DPF3: variants seen among roughly 807,000 people sequenced by gnomAD.
The protein encoded by DPF3 is double PHD fingers 3, also known as zinc finger protein DPF3.
DPF3 carries 18 observed loss-of-function variants against 56.8 expected under a neutral mutation model. The ratio of observed to expected loss-of-function variants is 0.32; its 90% CI spans 0.22 to 0.47. DPF3 has a LOEUF of 0.47. Among genes scored for constraint, DPF3 ranks in the 20% least tolerant of loss-of-function variants. The pLI, the probability that DPF3 is intolerant of heterozygous loss-of-function variation, is 1.00. For synonymous variants in DPF3, 188 were observed against 180.2 expected, an observed-to-expected ratio of 1.04 and a Z score of -0.35; for missense variants, 403 against 488.8, an observed-to-expected ratio of 0.82 and a Z score of 1.65.
In DPF3 at chr14:72,723,843, C is replaced by T. The variant is rs768090463; in HGVS notation, c.430-115G>A. ...TTGTTATTTTTTAACAAAGTGAAGA[C>T]GCTGCCTTTGCTTGGGCAGTTGGGC... On this transcript the variant is annotated intron_variant, in intron 4 of 10. Coordinates refer to ENST00000556509, the MANE Select transcript of DPF3 (RefSeq NM_001280542.3). 6.7e-5 allele frequency: 72 copies of T among 1,071,632 alleles called. No individual in the cohort carries two copies. In the East Asian group the frequency reaches 1.1e-3, roughly 16 times the overall value. The allele number at this position is 1,071,632 out of a possible 1,614,324, so 66.4% of individuals were successfully genotyped here.
chr14:72,671,811 T>C (rs891217623), intron 8 of DPF3, among the ~76,000 whole-genome samples: 1 of 152,210 alleles, frequency 6.6e-6, no homozygotes, highest in African/African-American at 2.4e-5. Context: ...TTCAAGGTGG[T>C]TAAGCCTCCA....
intron 1 of DPF3, among the ~76,000 whole-genome samples, chr14:72,891,133 C>T (rs1856390130): frequency 6.6e-6 from 1 of 152,128 alleles, no homozygotes; most frequent in African/African-American, 2.4e-5. Context: ...GAATGTCCCA[C>T]GTGGAAAAAG....
chr14:72,672,519 C>T (rs1408301641), intron 8 of DPF3, among the ~76,000 whole-genome samples: 1 of 152,140 alleles, frequency 6.6e-6, no homozygotes, highest in East Asian at 1.9e-4. Context: ...AGAGTCAGAC[C>T]TTGACTAAAT....
intron 8 of DPF3, among the ~76,000 whole-genome samples, chr14:72,660,079 A>G (rs1261698770): frequency 6.6e-6 from 1 of 152,206 alleles, no homozygotes; most frequent in African/African-American, 2.4e-5. Flanking sequence ...TAAATGGTAC[A>G]GAGTTTCAGT....
At chr14:72,657,932 G>A (rs1235650670) in intron 8 of DPF3, among the ~76,000 whole-genome samples, 1 of 152,020 alleles carries the variant, frequency 6.6e-6, no homozygotes, top group Non-Finnish European at 1.5e-5. Context: ...TTCTTATTCA[G>A]AATAACCTCC....
intron 6 of DPF3, among the ~76,000 whole-genome samples, chr14:72,696,382 C>G (rs1887899898): frequency 1.3e-5 from 2 of 152,210 alleles, no homozygotes; most frequent in South Asian, 4.1e-4. Context: ...AACTCACTAC[C>G]AGTCAAAGCA....
intron 3 of DPF3, among the ~76,000 whole-genome samples, chr14:72,739,643 A>G (rs1242675674): frequency 1.3e-5 from 2 of 152,160 alleles, no homozygotes; most frequent in Non-Finnish European, 2.9e-5. Flanking sequence ...AGGTAACAGG[A>G]TGGAAGAGGC....
At chr14:72,833,412 A>G (rs1233552409) in intron 1 of DPF3, among the ~76,000 whole-genome samples, 1 of 152,234 alleles carries the variant, frequency 6.6e-6, no homozygotes, top group Non-Finnish European at 1.5e-5. Flanking sequence ...CTGGTTGGAT[A>G]TACAAATATG....
At chr14:72,724,177 A>C (rs1889296517) in intron 4 of DPF3, 1 of 154,730 alleles carries the variant, frequency 6.5e-6, no homozygotes, top group Non-Finnish European at 1.4e-5. Context: ...CTTCCTGTTC[A>C]TCTGACCAGA....
chr14:72,734,553 T>C (rs1185943309), intron 3 of DPF3, among the ~76,000 whole-genome samples: 2 of 152,086 alleles, frequency 1.3e-5, no homozygotes, highest in Non-Finnish European at 2.9e-5. Context: ...ATACATAGAG[T>C]TGAAGTTCAT....
At chr14:72,782,711 C>T (rs74884082) in intron 1 of DPF3, among the ~76,000 whole-genome samples, 39,632 of 151,862 alleles carry the variant, frequency 0.26, 5,306 homozygotes, top group Middle Eastern at 0.36. Context: ...CGGACACCTG[C>T]AGTCCCAGCT....
At chr14:72,815,303 A>C (rs1415880495) in intron 1 of DPF3, among the ~76,000 whole-genome samples, 1 of 152,238 alleles carries the variant, frequency 6.6e-6, no homozygotes, top group Non-Finnish European at 1.5e-5. Flanking sequence ...AACATCTATT[A>C]TAATGGCTAA....
chr14:72,796,833 G>T (rs567002740), intron 1 of DPF3, among the ~76,000 whole-genome samples: 1 of 152,080 alleles, frequency 6.6e-6, no homozygotes, highest in Admixed American at 6.5e-5. Context: ...TGGAATCACC[G>T]CAGACGATTT....
At chr14:72,653,695 C>T (rs1885984608) in intron 8 of DPF3, among the ~76,000 whole-genome samples, 1 of 152,190 alleles carries the variant, frequency 6.6e-6, no homozygotes, top group Non-Finnish European at 1.5e-5. Context: ...GTTAAATTGG[C>T]CTGTCAGATA....
At chr14:72,833,919 C>T (rs900095225) in intron 1 of DPF3, among the ~76,000 whole-genome samples, 5 of 152,154 alleles carry the variant, frequency 3.3e-5, no homozygotes, top group African/African-American at 9.7e-5. Flanking sequence ...TGGAAGCTCA[C>T]GCCTGTAATC....
chr14:72,754,733 C>T (rs117216282), intron 2 of DPF3, among the ~76,000 whole-genome samples: 4 of 152,308 alleles, frequency 2.6e-5, no homozygotes, highest in Non-Finnish European at 4.4e-5. Flanking sequence ...ACTTTCATTG[C>T]TATATACTCA....
chr14:72,826,583 C>T (rs1425975711), intron 1 of DPF3, among the ~76,000 whole-genome samples: 2 of 152,216 alleles, frequency 1.3e-5, no homozygotes, highest in African/African-American at 4.8e-5. Flanking sequence ...GGAATTTGCA[C>T]AAGAGGTAAA....
intron 1 of DPF3, among the ~76,000 whole-genome samples, chr14:72,872,632 G>T (rs561019512): frequency 5.2e-4 from 79 of 152,282 alleles, no homozygotes; most frequent in African/African-American, 1.7e-3. Flanking sequence ...TAAGCCAAAA[G>T]AACAAAGCTG....
At position 72,834,141 on chromosome 14, in the gene DPF3, G is replaced by A. The variant is rs541853300; in HGVS notation, c.32+59916C>T. ...TGCCGTGAGCCGAGACTGCGCCATTGCACTCCAGCCCGAGTGACAGAGTGA... is the reference window on the plus strand; with the variant it reads ...TGCCGTGAGCCGAGACTGCGCCATTACACTCCAGCCCGAGTGACAGAGTGA... On this transcript the variant is annotated intron_variant, in intron 1 of 10. Coordinates refer to ENST00000556509, the MANE Select transcript of DPF3 (RefSeq NM_001280542.3). 2.6e-4 allele frequency among the ~76,000 whole-genome samples: 40 copies of A among 151,460 alleles called. No homozygotes were observed. The South Asian group carries it at 4.2e-3, about 16-fold the overall frequency.
Sources: allele counts gnomAD v4.1 joint callset (sites outside exome capture counted in the v4.1 genomes callset), GRCh38; gene constraint gnomAD v4.1.1; transcripts MANE v1.5; gene names NCBI Gene and HGNC (gene_info 2026-07-23, HGNC 2026-07-21).